Variants in ROBO1 observed in about 807,000 individuals in gnomAD.
ROBO1 encodes roundabout guidance receptor 1, also known as roundabout homolog 1.
ROBO1 carries 149 observed loss-of-function variants against 195.9 expected under a neutral mutation model. That is an observed-to-expected ratio of 0.76 (90% CI 0.67 to 0.87). The LOEUF is 0.87. Among genes scored for constraint, ROBO1 ranks in the 40% least tolerant of loss-of-function variants. The pLI, the probability that ROBO1 is intolerant of heterozygous loss-of-function variation, is 0.00. For synonymous variants in ROBO1, 816 were observed against 733.2 expected (o/e 1.11, Z -1.82); for missense variants, 1,933 against 2,068.3 (o/e 0.93, Z 1.27).
At chr3:79,342,567 G>C (rs1306824584) in intron 2 of ROBO1, among the ~76,000 whole-genome samples, 1 of 152,086 alleles carries the variant, frequency 6.6e-6, no homozygotes, top group Non-Finnish European at 1.5e-5. Context: ...ATTTTAAAAA[G>C]TTACCTATGT....
intron 1 of ROBO1, among the ~76,000 whole-genome samples, chr3:79,618,488 C>T (rs1000660849): frequency 6.6e-6 from 1 of 152,180 alleles, no homozygotes; most frequent in Non-Finnish European, 1.5e-5. Flanking sequence ...TTCTCCTGGA[C>T]AATGAGTGTC....
intron 2 of ROBO1, among the ~76,000 whole-genome samples, chr3:79,197,746 T>G (rs2081666870): frequency 6.6e-6 from 1 of 152,124 alleles, no homozygotes; most frequent in African/African-American, 2.4e-5. Flanking sequence ...TGGAGTGAGA[T>G]GATATCTTAT....
chr3:79,117,858 T>G (rs1034380026), intron 3 of ROBO1, among the ~76,000 whole-genome samples: 4 of 152,188 alleles, frequency 2.6e-5, no homozygotes, highest in African/African-American at 7.2e-5. Flanking sequence ...GGAGAAAAAT[T>G]CATCATTGTC....
chr3:79,262,693 T>C (rs2082962949), intron 2 of ROBO1, among the ~76,000 whole-genome samples: 1 of 152,092 alleles, frequency 6.6e-6, no homozygotes, highest in African/African-American at 2.4e-5. Context: ...GTGTCTTACA[T>C]GAAAAATATA....
chr3:79,273,150 C>A (rs1190717419), intron 2 of ROBO1, among the ~76,000 whole-genome samples: 1 of 151,910 alleles, frequency 6.6e-6, no homozygotes, highest in East Asian at 1.9e-4. Context: ...TTAATGAGCA[C>A]TAAGAAATCA....
intron 4 of ROBO1, among the ~76,000 whole-genome samples, chr3:78,897,940 T>C (rs1248083763): frequency 9.9e-5 from 15 of 151,996 alleles, no homozygotes; most frequent in African/African-American, 2.4e-4. Flanking sequence ...ACTCATGTGA[T>C]ATAGTTAGTA....
intron 2 of ROBO1, among the ~76,000 whole-genome samples, chr3:79,456,098 G>A (rs534473264): frequency 6.6e-6 from 1 of 152,070 alleles, no homozygotes; most frequent in Admixed American, 6.6e-5. Context: ...CTGACCATAC[G>A]TGTTAGTTTG....
At chr3:79,523,276 T>A (rs1252886678) in intron 2 of ROBO1, among the ~76,000 whole-genome samples, 1 of 151,992 alleles carries the variant, frequency 6.6e-6, no homozygotes, top group Non-Finnish European at 1.5e-5. Flanking sequence ...TACTAAGATA[T>A]CTATGTGAGG....
At chr3:79,341,444 A>G (rs912196238) in intron 2 of ROBO1, among the ~76,000 whole-genome samples, 2 of 152,038 alleles carry the variant, frequency 1.3e-5, no homozygotes. Context: ...CATTCATTTC[A>G]CATCTTAGCA....
chr3:79,555,525 G>A (rs1942667738), intron 2 of ROBO1, among the ~76,000 whole-genome samples: 1 of 152,124 alleles, frequency 6.6e-6, no homozygotes, highest in Non-Finnish European at 1.5e-5. Flanking sequence ...GTAGAATGGA[G>A]ATGAATGAAA....
rs1400700910 is a variant in ROBO1, at chr3:78,711,428, TTTCTTTCTTTCTTTCCTTCCTTCCTTCC to T, written c.1045+2941_1045+2968del. On this transcript the variant is annotated intron_variant, in intron 8 of 30. Coordinates refer to ENST00000464233, the MANE Select transcript of ROBO1 (RefSeq NM_002941.4). ...CTTTCTTTCTTTCTTTCTTTCTTTC[TTTCTTTCTTTCTTTCCTTCCTTCCTTCC>T]TTCCTTCCTTTTCTCTCTTTCTCTC... Among the ~76,000 whole-genome samples, 7 of 105,896 alleles carry T rather than the reference TTTCTTTCTTTCTTTCCTTCCTTCCTTCC, an allele frequency of 6.6e-5. 1 individual carries two copies. The highest frequency in any genetic ancestry group is 2.8e-4 in the African/African-American group (7 of 25,230). 69.5% of individuals were successfully genotyped at this position (105,896 alleles called of 152,430 possible).
intron 3 of ROBO1, among the ~76,000 whole-genome samples, chr3:79,059,365 C>G (rs1289700020): frequency 6.6e-6 from 1 of 152,010 alleles, no homozygotes; most frequent in Non-Finnish European, 1.5e-5. Context: ...CTACTGGGGG[C>G]TCCACTGTAG....
At chr3:79,412,874 A>ATTGTTTT (rs2037833688) in intron 2 of ROBO1, among the ~76,000 whole-genome samples, 1 of 38,338 alleles carries the variant, frequency 2.6e-5, no homozygotes, top group African/African-American at 1.2e-4. Context: ...TCATGAGCTG[A>ATTGTTTT]TTTTTTTTTT....
At chr3:79,386,693 G>C (rs1227055242) in intron 2 of ROBO1, among the ~76,000 whole-genome samples, 1 of 152,076 alleles carries the variant, frequency 6.6e-6, no homozygotes, top group Non-Finnish European at 1.5e-5. Context: ...TTGGTTGTGA[G>C]ATAAGAAACA....
rs75321687 is a variant in ROBO1 at position 79,264,660 on chromosome 3, G to T, written c.89-139121C>A. Among the ~76,000 whole-genome samples the T allele has an allele frequency of 2.7e-3, 409 of 151,962 alleles. 2 individuals are homozygous for T. Among genetic ancestry groups the T allele is most frequent in the African/African-American group, 9.2e-3 (380 of 41,508 alleles). On this transcript the variant is annotated intron_variant, in intron 2 of 30. Transcript: ENST00000464233. The stretch of plus-strand genomic sequence containing the variant: ...AATATGTTCCTCACCTCAGGAATAG[G>T]ATACTTGACTAAAGTAGGGAAGCAT...
At chr3:79,628,417 AG>A (rs1945243402) in intron 1 of ROBO1, among the ~76,000 whole-genome samples, 2 of 152,114 alleles carry the variant, frequency 1.3e-5, no homozygotes, top group African/African-American at 2.4e-5. Context: ...CTCACTCATA[AG>A]TGGAAGTTGA....
chr3:79,393,153 GAACTA>G (rs2037017558), intron 2 of ROBO1, among the ~76,000 whole-genome samples: 1 of 152,200 alleles, frequency 6.6e-6, no homozygotes. Context: ...GTCATAGGTA[GAACTA>G]ATAAGCCTTT....
At chr3:79,620,328 T>TCACAGA (rs1944965713) in intron 1 of ROBO1, among the ~76,000 whole-genome samples, 1 of 152,124 alleles carries the variant, frequency 6.6e-6, no homozygotes, top group South Asian at 2.1e-4. Context: ...TCCTGGACCA[T>TCACAGA]CACAGACACT....
intron 4 of ROBO1, among the ~76,000 whole-genome samples, chr3:78,824,901 C>T (rs914673147): frequency 4.6e-5 from 7 of 152,108 alleles, no homozygotes; most frequent in East Asian, 1.9e-4. Flanking sequence ...TCTGCTTCTG[C>T]GCCTACTGTC....
Sources: allele counts gnomAD v4.1 joint callset (sites outside exome capture counted in the v4.1 genomes callset), GRCh38; gene constraint gnomAD v4.1.1; transcripts MANE v1.5; gene names NCBI Gene and HGNC (gene_info 2026-07-23, HGNC 2026-07-21).